The following ANXA11 variants were observed in gnomAD, a reference collection of about 807,000 sequenced individuals.
ANXA11 encodes 56 kDa autoantigen.
ANXA11 carries 57 observed loss-of-function variants against 64.7 expected under a neutral mutation model. The ratio of observed to expected loss-of-function variants is 0.88; its 90% CI spans 0.71 to 1.10. ANXA11 has a LOEUF of 1.10. Among genes scored for constraint, ANXA11 ranks in the 50% least tolerant of loss-of-function variants. The pLI is 0.00. For synonymous variants in ANXA11, 260 were observed against 265.2 expected (o/e 0.98, Z 0.19); for missense variants, 675 against 670.7 (o/e 1.01, Z -0.07).
At chr10:80,188,418 C>T (rs1846627844) in intron 1 of ANXA11, among the ~76,000 whole-genome samples, 1 of 148,886 alleles carries the variant, frequency 6.7e-6, no homozygotes, top group Admixed American at 6.7e-5. Flanking sequence ...TTTCTCCTCA[C>T]CTGTGAAAAG....
At chr10:80,173,998 G>A (rs988798243) in intron 2 of ANXA11, among the ~76,000 whole-genome samples, 2 of 152,114 alleles carry the variant, frequency 1.3e-5, no homozygotes, top group Admixed American at 6.6e-5. Context: ...TTCTAGCCAC[G>A]CTATCCAACT....
intron 3 of ANXA11, 153 bp from the exon 4 acceptor site, chr10:80,171,068 G>A (rs941450269): frequency 6.6e-7 from 1 of 1,522,022 alleles, no homozygotes; most frequent in East Asian, 2.5e-5. Context: ...AAAACACCAG[G>A]AGGAAAGTCT....
intron 12 of ANXA11, among the ~76,000 whole-genome samples, chr10:80,159,605 A>G (rs1268732665): frequency 6.6e-6 from 1 of 152,154 alleles, no homozygotes; most frequent in African/African-American, 2.4e-5. Context: ...GAGGACTCAC[A>G]TGAGGTGGCC....
At chr10:80,201,420 A>G (rs944477099) in intron 1 of ANXA11, among the ~76,000 whole-genome samples, 13 of 152,010 alleles carry the variant, frequency 8.6e-5, no homozygotes, top group African/African-American at 2.7e-4. Flanking sequence ...AACCTAGACA[A>G]ATGTCTGTCT....
At chr10:80,196,764 G>A (rs1227531176) in intron 1 of ANXA11, among the ~76,000 whole-genome samples, 5 of 152,186 alleles carry the variant, frequency 3.3e-5, no homozygotes, top group Admixed American at 3.3e-4. Context: ...CACAGGTGCT[G>A]TTAAGCATTC....
chr10:80,164,529 C>A (rs35025775), intron 8 of ANXA11, among the ~76,000 whole-genome samples: 17,208 of 152,184 alleles, frequency 0.11, 1,200 homozygotes, highest in South Asian at 0.24. Flanking sequence ...GGGTAAAAAG[C>A]AAGAGAGATC....
chr10:80,191,326 T>A (rs1846766286), intron 1 of ANXA11, among the ~76,000 whole-genome samples: 2 of 152,160 alleles, frequency 1.3e-5, no homozygotes, highest in African/African-American at 4.8e-5. Context: ...AGCTACAGGT[T>A]GCAGTGAGCC....
At chr10:80,164,318 C>T (rs1845641199) in intron 8 of ANXA11, among the ~76,000 whole-genome samples, 175 bp from the exon 9 acceptor site, 1 of 152,164 alleles carries the variant, frequency 6.6e-6, no homozygotes, top group Non-Finnish European at 1.5e-5. Context: ...TCTCCACAGC[C>T]CGGGCAAGCA....
chr10:80,158,889 C>A lies in ANXA11; in HGVS notation c.1276+211G>T, dbSNP rs143861949. Among the ~76,000 whole-genome samples, 4 of 152,328 alleles carry A rather than the reference C, an allele frequency of 2.6e-5. No homozygotes were observed. The East Asian group carries it at 5.8e-4, about 22-fold the overall frequency. On this transcript the variant is annotated intron_variant, in intron 13 of 15. Coordinates refer to ENST00000422982, the MANE Select transcript of ANXA11 (RefSeq NM_145868.2). ...TCCAGAGCTGCACCGCAAACACACA[C>A]AAGACACCTCCAGGACAGCTAGGGG... is the stretch of plus-strand genomic sequence containing the variant.
In ANXA11 at chr10:80,164,072, T is replaced by A; in HGVS notation, c.930A>T (p.Leu310Phe). 1.2e-6 allele frequency: 2 copies of A among 1,614,066 alleles called. No homozygotes were observed. The highest frequency in any genetic ancestry group is 1.7e-6 in the Non-Finnish European group (2 of 1,179,970). The change falls in exon 9 of 16, where the codon TTA becomes TTT. Residue 310 changes from leucine to phenylalanine, a missense_variant. By Grantham distance (22) the Leu-to-Phe change is conservative (BLOSUM62 0). Coordinates refer to ENST00000422982, the MANE Select transcript of ANXA11 (RefSeq NM_145868.2). ...CCTCACCTGCTTTGTAGGCTCTGTT[T>A]AATTCTCGGATGTGCTCATTGCTGC... ...ASRSNEHIRE[L>F]NRAYKAEFKK...
intron 1 of ANXA11, among the ~76,000 whole-genome samples, chr10:80,193,811 CA>C (rs546354623): frequency 0.15 from 17,424 of 114,378 alleles, 1,067 homozygotes; most frequent in South Asian, 0.27. Flanking sequence ...GACTCTGTCT[CA>C]AAAAAAAAAA....
At chr10:80,203,364 T>C (rs566557634) in intron 1 of ANXA11, among the ~76,000 whole-genome samples, 2 of 152,198 alleles carry the variant, frequency 1.3e-5, no homozygotes, top group East Asian at 1.9e-4. Context: ...CTTTCTATAG[T>C]ATCATGCATA....
At chr10:80,196,410 C>A (rs1455934228) in intron 1 of ANXA11, among the ~76,000 whole-genome samples, 1 of 152,142 alleles carries the variant, frequency 6.6e-6, no homozygotes, top group Non-Finnish European at 1.5e-5. Context: ...CTGGCAGGAA[C>A]CCCGGTGGAC....
At chr10:80,197,973 C>T (rs1207158704) in intron 1 of ANXA11, among the ~76,000 whole-genome samples, 5 of 152,022 alleles carry the variant, frequency 3.3e-5, no homozygotes, top group Non-Finnish European at 7.4e-5. Flanking sequence ...GGGGGCCCCT[C>T]GATCCCATGG....
chr10:80,187,101 G>A (rs927531272), intron 1 of ANXA11, among the ~76,000 whole-genome samples: 6 of 152,242 alleles, frequency 3.9e-5, no homozygotes, highest in African/African-American at 7.2e-5. Flanking sequence ...CACAGTGGCA[G>A]TGACAGAAAA....
chr10:80,191,068 A>C lies in ANXA11; in HGVS notation c.-58+14275T>G, dbSNP rs1589448375. ...TGGCAAAACCCCATCTCTACTAAAAATACAAAATTAGCTGGGTGTGGTGGC... is the reference window on the plus strand; with the variant it reads ...TGGCAAAACCCCATCTCTACTAAAACTACAAAATTAGCTGGGTGTGGTGGC... On this transcript the variant is annotated intron_variant, in intron 1 of 15. Transcript: ENST00000422982. 2.6e-5 allele frequency among the ~76,000 whole-genome samples: 4 copies of C among 152,026 alleles called. 1 individual carries two copies. Among genetic ancestry groups the C allele is most frequent in the Admixed American group, 2.6e-4 (4 of 15,286 alleles).
chr10:80,192,021 A>G (rs1249222723), intron 1 of ANXA11, among the ~76,000 whole-genome samples: 2 of 152,204 alleles, frequency 1.3e-5, no homozygotes, highest in Admixed American at 1.3e-4. Flanking sequence ...TCCCCAGGGC[A>G]GGGTGGGTAG....
At chr10:80,161,176 C>T (rs548442989) in intron 12 of ANXA11, among the ~76,000 whole-genome samples, 207 of 152,340 alleles carry the variant, frequency 1.4e-3, no homozygotes, top group Middle Eastern at 0.01. Context: ...CAGCAGGGCC[C>T]TCTCCCCTCT....
chr10:80,163,274 T>A (rs1234759004), intron 11 of ANXA11, 75 bp downstream of exon 11: 1 of 1,546,072 alleles, frequency 6.5e-7, no homozygotes, highest in South Asian at 1.1e-5. Flanking sequence ...CACCCTAGGG[T>A]ACCTCTCTCA....
Sources: gnomAD v4.1 joint callset for allele counts (sites outside exome capture counted in the v4.1 genomes callset) on GRCh38, gnomAD v4.1.1 for gene constraint, MANE v1.5 for transcripts, NCBI Gene and HGNC (gene_info 2026-07-23, HGNC 2026-07-21) for gene names.